NELL1: variants seen among roughly 807,000 people sequenced by gnomAD.
NELL1 encodes neural EGFL like 1.
NELL1 carries 76 observed loss-of-function variants against 107.4 expected under a neutral mutation model. The observed-to-expected ratio is 0.71, with a 90% CI of 0.59 to 0.86. The LOEUF (loss-of-function observed/expected upper bound fraction) is 0.86, where lower values mean the gene tolerates loss of function less well. NELL1 is among the 40% of genes least tolerant of loss of function. NELL1 has a pLI of 0.00. For missense variants in NELL1, 1,024 were observed against 1,005.5 expected (o/e 1.02, Z -0.25); for synonymous variants, 353 against 341.2 (o/e 1.03, Z -0.38).
intron 2 of NELL1, among the ~76,000 whole-genome samples, chr11:20,732,718 C>T (rs1466631984): frequency 6.6e-6 from 1 of 151,580 alleles, no homozygotes; most frequent in African/African-American, 2.4e-5. Context: ...GTAATGAGTT[C>T]ATGTGGCAAG....
At chr11:21,044,595 G>C (rs1389414279) in intron 12 of NELL1, among the ~76,000 whole-genome samples, 2 of 152,136 alleles carry the variant, frequency 1.3e-5, no homozygotes, top group Admixed American at 6.6e-5. Flanking sequence ...CAATAGAGAT[G>C]TTTGAAGTAG....
chr11:21,216,110 G>T (rs1052493990), intron 13 of NELL1, among the ~76,000 whole-genome samples: 4 of 152,158 alleles, frequency 2.6e-5, no homozygotes, highest in African/African-American at 7.2e-5. Context: ...AGAGGCCAGG[G>T]TACAGCTTTT....
At chr11:20,997,139 A>G (rs1852109096) in intron 12 of NELL1, among the ~76,000 whole-genome samples, 1 of 152,242 alleles carries the variant, frequency 6.6e-6, no homozygotes, top group African/African-American at 2.4e-5. Context: ...AAATTTGTCT[A>G]CTAATAAATA....
At chr11:20,695,784 T>C (rs550211286) in intron 2 of NELL1, among the ~76,000 whole-genome samples, 1 of 152,234 alleles carries the variant, frequency 6.6e-6, no homozygotes, top group East Asian at 1.9e-4. Flanking sequence ...TGATGCTGGC[T>C]TCGTAGAATG....
intron 16 of NELL1, among the ~76,000 whole-genome samples, chr11:21,550,716 C>A (rs1393808024): frequency 6.6e-6 from 1 of 152,000 alleles, no homozygotes; most frequent in Non-Finnish European, 1.5e-5. Context: ...GTTTTGGTAC[C>A]AGTACCATGC....
chr11:21,404,011 C>CCG (rs1554905742), intron 15 of NELL1, among the ~76,000 whole-genome samples: 2 of 109,482 alleles, frequency 1.8e-5, no homozygotes, highest in Non-Finnish European at 3.9e-5. Context: ...CTGAACCCCC[C>CCG]CCCCCGCAAT....
chr11:20,917,532 AC>A (rs1268790028), intron 5 of NELL1, among the ~76,000 whole-genome samples: 1 of 151,830 alleles, frequency 6.6e-6, no homozygotes, highest in African/African-American at 2.4e-5. Flanking sequence ...ATCAGAAAAA[AC>A]CCTAACAACA....
intron 15 of NELL1, among the ~76,000 whole-genome samples, chr11:21,449,491 A>G (rs886268932): frequency 6.6e-6 from 1 of 152,164 alleles, no homozygotes; most frequent in African/African-American, 2.4e-5. Context: ...AAATATCTGC[A>G]GATTTTGTAG....
intron 6 of NELL1, among the ~76,000 whole-genome samples, chr11:20,918,876 T>C (rs1850317019): frequency 6.6e-6 from 1 of 152,016 alleles, no homozygotes; most frequent in Admixed American, 6.6e-5. Context: ...TAGAAAGATA[T>C]GTTTAATATA....
chr11:20,677,859 C>G (rs1395153895), intron 1 of NELL1, 73 bp from the exon 2 acceptor site: 1 of 1,577,174 alleles, frequency 6.3e-7, no homozygotes, highest in African/African-American at 1.3e-5. Context: ...CCTGCCACTC[C>G]CCGACTCTGT....
At chr11:21,426,190 T>C (rs1384434191) in intron 15 of NELL1, among the ~76,000 whole-genome samples, 2 of 152,210 alleles carry the variant, frequency 1.3e-5, no homozygotes, top group Admixed American at 1.3e-4. Flanking sequence ...CACATATTAA[T>C]GTTAAATATC....
At chr11:20,938,908 GTCTCTCTCTCTCTC>G (rs71443766) in intron 10 of NELL1, among the ~76,000 whole-genome samples, 23 of 144,628 alleles carry the variant, frequency 1.6e-4, no homozygotes, top group African/African-American at 4.5e-4. Flanking sequence ...TTCTCTCTCT[GTCTCTCTCTCTCTC>G]TCTCTCTCTC....
intron 14 of NELL1, among the ~76,000 whole-genome samples, chr11:21,343,072 G>A (rs1347735060): frequency 2.0e-5 from 3 of 151,928 alleles, no homozygotes; most frequent in African/African-American, 7.3e-5. Context: ...AACAGCTTTT[G>A]GTTTTGTCTC....
intron 13 of NELL1, among the ~76,000 whole-genome samples, chr11:21,202,349 A>T (rs1427319463): frequency 1.3e-5 from 2 of 151,998 alleles, no homozygotes; most frequent in East Asian, 3.9e-4. Context: ...CCTGATTTAG[A>T]CTTAGGAGGT....
At chr11:20,786,878 G>T (rs1342374439) in intron 3 of NELL1, among the ~76,000 whole-genome samples, 5 of 151,324 alleles carry the variant, frequency 3.3e-5, no homozygotes. Flanking sequence ...CATGGTGGCG[G>T]GCGCCTGTAG....
intron 13 of NELL1, among the ~76,000 whole-genome samples, chr11:21,166,887 A>G (rs1297705875): frequency 6.6e-6 from 1 of 151,952 alleles, no homozygotes; most frequent in Non-Finnish European, 1.5e-5. Flanking sequence ...AGTAATTCAA[A>G]AAACAAAAAT....
intron 13 of NELL1, among the ~76,000 whole-genome samples, chr11:21,157,080 G>A (rs1342752198): frequency 2.0e-5 from 3 of 151,802 alleles, no homozygotes; most frequent in African/African-American, 7.3e-5. Context: ...TTTAGCCTGG[G>A]CAACAGAGCG....
intron 3 of NELL1, among the ~76,000 whole-genome samples, chr11:20,805,389 T>C (rs1368197748): frequency 2.6e-5 from 4 of 152,236 alleles, no homozygotes; most frequent in Non-Finnish European, 4.4e-5. Flanking sequence ...TCTTTCTTTT[T>C]TTCCTGTCTT....
intron 12 of NELL1, among the ~76,000 whole-genome samples, chr11:21,029,512 TG>T: frequency 6.6e-6 from 1 of 152,242 alleles, no homozygotes; most frequent in African/African-American, 2.4e-5. Flanking sequence ...TCACCATCAC[TG>T]TGATCACACA....
Sources: allele counts gnomAD v4.1 joint callset (sites outside exome capture counted in the v4.1 genomes callset), GRCh38; gene constraint gnomAD v4.1.1; transcripts MANE v1.5; gene names NCBI Gene and HGNC (gene_info 2026-07-23, HGNC 2026-07-21).